FER: variants seen among roughly 807,000 people sequenced by gnomAD.
The protein encoded by FER is FER tyrosine kinase.
Under a neutral mutation model 111.0 loss-of-function variants are expected in FER, and 63 were observed. The ratio of observed to expected loss-of-function variants is 0.57; its 90% CI spans 0.46 to 0.70. The LOEUF (loss-of-function observed/expected upper bound fraction) is 0.70. Among genes scored for constraint, FER ranks in the 30% least tolerant of loss-of-function variants. The pLI is 0.00. For missense variants in FER, 914 were observed against 954.0 expected (o/e 0.96, Z 0.55); for synonymous variants, 327 against 313.9 (o/e 1.04, Z -0.44).
chr5:108,999,187 G>A (rs563109652), intron 13 of FER, among the ~76,000 whole-genome samples: 28 of 151,786 alleles, frequency 1.8e-4, no homozygotes, highest in South Asian at 6.2e-4. Flanking sequence ...CTCCTTCCTT[G>A]AATTTTATAC....
intron 1 of FER, among the ~76,000 whole-genome samples, chr5:108,755,570 C>T (rs973930464): frequency 6.6e-6 from 1 of 152,098 alleles, no homozygotes; most frequent in Non-Finnish European, 1.5e-5. Context: ...ACCGCAACCT[C>T]CACCTCCCGG....
chr5:109,056,629 A>G (rs866736105), intron 16 of FER, among the ~76,000 whole-genome samples: 26 of 152,172 alleles, frequency 1.7e-4, no homozygotes, highest in African/African-American at 5.8e-4. Context: ...AGAATGATCA[A>G]GTCTAGAGAT....
At chr5:108,948,000 C>G (rs1757212684) in intron 11 of FER, among the ~76,000 whole-genome samples, 1 of 151,924 alleles carries the variant, frequency 6.6e-6, no homozygotes, top group Admixed American at 6.6e-5. Flanking sequence ...CAAATTCATT[C>G]TTTTGCATAT....
chr5:108,930,822 C>T (rs1754561727), intron 10 of FER, among the ~76,000 whole-genome samples: 1 of 151,304 alleles, frequency 6.6e-6, no homozygotes, highest in Non-Finnish European at 1.5e-5. Context: ...CCATGTTGCC[C>T]AGACTGGGCT....
chr5:108,931,994 A>T (rs1317579286), intron 10 of FER, among the ~76,000 whole-genome samples: 1 of 151,658 alleles, frequency 6.6e-6, no homozygotes, highest in Non-Finnish European at 1.5e-5. Context: ...TTCATTTTTT[A>T]AAATTATACT....
chr5:108,894,955 G>A (rs1036919634), intron 9 of FER, among the ~76,000 whole-genome samples: 2 of 152,154 alleles, frequency 1.3e-5, no homozygotes, highest in African/African-American at 4.8e-5. Context: ...TTTGGGTGAG[G>A]ACACAGCCAA....
intron 2 of FER, among the ~76,000 whole-genome samples, chr5:108,795,169 T>G (rs1272641333): frequency 6.6e-6 from 1 of 152,054 alleles, no homozygotes; most frequent in Non-Finnish European, 1.5e-5. Flanking sequence ...ACAAAAAAAT[T>G]TTAAAATTAG....
chr5:108,993,406 G>A (rs1340895248), intron 13 of FER, among the ~76,000 whole-genome samples: 3 of 152,156 alleles, frequency 2.0e-5, no homozygotes, highest in Admixed American at 6.5e-5. Context: ...AGGCGTGGCC[G>A]CGCGCGCCTG....
At chr5:108,931,488 A>G (rs1191085956) in intron 10 of FER, among the ~76,000 whole-genome samples, 1 of 152,152 alleles carries the variant, frequency 6.6e-6, no homozygotes, top group Non-Finnish European at 1.5e-5. Context: ...TCTTTAATGA[A>G]AAAAGTTTGT....
intron 16 of FER, among the ~76,000 whole-genome samples, chr5:109,092,955 A>G (rs561259131): frequency 6.6e-6 from 1 of 152,334 alleles, no homozygotes; most frequent in South Asian, 2.1e-4. Flanking sequence ...CAAATGCTAC[A>G]ACATAGATAA....
intron 3 of FER, among the ~76,000 whole-genome samples, chr5:108,822,001 C>T (rs1478720400): frequency 3.3e-5 from 5 of 152,114 alleles, no homozygotes; most frequent in South Asian, 4.1e-4. Flanking sequence ...CCAAAATGTC[C>T]CCATTTTCTT....
chr5:109,188,330 A>T lies in FER; in HGVS notation c.*755A>T, dbSNP rs1309059370. 6 of 147,030 alleles carry T rather than the reference A, an allele frequency of 4.1e-5. No homozygotes were observed. Among genetic ancestry groups the T allele is most frequent in the Non-Finnish European group, 7.5e-5 (5 of 66,814 alleles). The allele number at this position is 147,030 out of a possible 1,614,324, so 9.1% of individuals were successfully genotyped here. A position where few individuals can be genotyped will look rare whatever the true frequency, so the allele number is the denominator to read the frequency against. On this transcript the variant is annotated 3_prime_UTR_variant, in exon 20 of 20. Coordinates refer to ENST00000281092, the MANE Select transcript of FER (RefSeq NM_005246.4). The stretch of plus-strand genomic sequence containing the variant: ...TTTGGGAGGCTGAGGCAGGCGGATC[A>T]CCTGAGGTCAGGAGTTCGAGACCAG...
At chr5:108,900,010 G>A (rs1037640470) in intron 10 of FER, among the ~76,000 whole-genome samples, 2 of 152,140 alleles carry the variant, frequency 1.3e-5, no homozygotes, top group East Asian at 1.9e-4. Flanking sequence ...TTACAAGATG[G>A]TGCTGCATAT....
intron 13 of FER, among the ~76,000 whole-genome samples, chr5:109,023,736 A>G (rs1049755368): frequency 1.1e-4 from 16 of 151,632 alleles, no homozygotes; most frequent in African/African-American, 3.6e-4. Flanking sequence ...CACTCACCCT[A>G]TCTAGCCAAT....
At chr5:109,047,072 G>T in intron 15 of FER, 32 bp from the exon 16 acceptor site, 2 of 1,117,270 alleles carry the variant, frequency 1.8e-6, no homozygotes, top group Non-Finnish European at 2.7e-6. Flanking sequence ...TTATTCAAAT[G>T]ATAACTATTC....
chr5:108,996,345 G>A (rs1270244106), intron 13 of FER, among the ~76,000 whole-genome samples: 2 of 152,182 alleles, frequency 1.3e-5, no homozygotes, highest in Admixed American at 1.3e-4. Context: ...CCATGCCCAT[G>A]TCCTGAATGG....
chr5:108,893,144 G>C (rs183527512), intron 9 of FER, among the ~76,000 whole-genome samples: 13 of 152,004 alleles, frequency 8.6e-5, no homozygotes, highest in Admixed American at 3.3e-4. Flanking sequence ...TTGACTTGGC[G>C]ATGCAGGCTC....
intron 17 of FER, among the ~76,000 whole-genome samples, chr5:109,176,403 TCTCA>T (rs1200278542): frequency 6.6e-6 from 1 of 152,120 alleles, no homozygotes; most frequent in East Asian, 1.9e-4. Context: ...TACTGCGTGT[TCTCA>T]CTCATATGGG....
chr5:108,977,907 A>G (rs1761576363), intron 13 of FER, among the ~76,000 whole-genome samples: 1 of 152,054 alleles, frequency 6.6e-6, no homozygotes, highest in African/African-American at 2.4e-5. Context: ...GTGCAGTGGT[A>G]CGATCTTGGC....
Sources: gnomAD v4.1 joint callset for allele counts (sites outside exome capture counted in the v4.1 genomes callset) on GRCh38, gnomAD v4.1.1 for gene constraint, MANE v1.5 for transcripts, NCBI Gene and HGNC (gene_info 2026-07-23, HGNC 2026-07-21) for gene names.